The following MACROD2 variants were observed in gnomAD, a reference collection of about 807,000 sequenced individuals.
MACROD2 encodes the protein ADP-ribose glycohydrolase MACROD2.
In MACROD2, 36 loss-of-function variants were observed where a neutral mutation model predicts 70.4. That is an observed-to-expected ratio of 0.51 (90% CI 0.39 to 0.68). The LOEUF is 0.68. Among genes scored for constraint, MACROD2 ranks in the 30% least tolerant of loss-of-function variants. MACROD2 has a pLI of 0.00. For missense variants in MACROD2, 496 were observed against 538.4 expected, an observed-to-expected ratio of 0.92 and a Z score of 0.78; for synonymous variants, 172 against 178.8, an observed-to-expected ratio of 0.96 and a Z score of 0.30.
At chr20:14,634,084 G>A (rs775278768) in intron 4 of MACROD2, among the ~76,000 whole-genome samples, 6 of 152,252 alleles carry the variant, frequency 3.9e-5, no homozygotes, top group Middle Eastern at 6.8e-3. Flanking sequence ...CCCCCTGGGC[G>A]TGCCATTTCC....
At chr20:16,026,899 G>C (rs1242326648) in intron 15 of MACROD2, among the ~76,000 whole-genome samples, 2 of 152,118 alleles carry the variant, frequency 1.3e-5, no homozygotes, top group Non-Finnish European at 2.9e-5. Flanking sequence ...GAGTTTAGTA[G>C]CACTTTTGGT....
At chr20:15,421,805 T>C (rs2046232399) in intron 6 of MACROD2, among the ~76,000 whole-genome samples, 1 of 152,162 alleles carries the variant, frequency 6.6e-6, no homozygotes. Flanking sequence ...AGGGAATTGA[T>C]GTTGGGGAGA....
chr20:14,389,155 C>T (rs1331740943), intron 3 of MACROD2, among the ~76,000 whole-genome samples: 1 of 152,004 alleles, frequency 6.6e-6, no homozygotes, highest in African/African-American at 2.4e-5. Context: ...GCTGGGATTA[C>T]AGGCGTGAGC....
At chr20:14,804,942 G>A (rs1027286473) in intron 5 of MACROD2, among the ~76,000 whole-genome samples, 5 of 151,736 alleles carry the variant, frequency 3.3e-5, no homozygotes, top group Admixed American at 3.3e-4. Context: ...ATGATGGGTA[G>A]TGAGGTAAAT....
chr20:15,862,129 C>T (rs1282497361), intron 8 of MACROD2, among the ~76,000 whole-genome samples: 1 of 152,158 alleles, frequency 6.6e-6, no homozygotes, highest in Non-Finnish European at 1.5e-5. Flanking sequence ...TTTGAGGTGG[C>T]ATTTACTTAT....
chr20:14,060,436 C>T (rs2053679022), intron 2 of MACROD2, among the ~76,000 whole-genome samples: 1 of 151,952 alleles, frequency 6.6e-6, no homozygotes, highest in African/African-American at 2.4e-5. Context: ...TTTTTTAAGG[C>T]TTCCATTAAG....
At chr20:15,992,370 C>T (rs1488037059) in intron 15 of MACROD2, among the ~76,000 whole-genome samples, 3 of 152,108 alleles carry the variant, frequency 2.0e-5, no homozygotes, top group African/African-American at 4.8e-5. Context: ...AGGTTTATTT[C>T]TTCTAATCTC....
At position 15,497,594 on chromosome 20, in the gene MACROD2, C is replaced by T. The variant is rs543011946; in HGVS notation, c.572-2180C>T. Among the ~76,000 whole-genome samples the T allele has an allele frequency of 5.9e-5, 9 of 152,252 alleles. No homozygotes were observed. In the East Asian group the frequency reaches 1.5e-3, roughly 26 times the overall value. ...CGTGAGCCACCGCACCTGGCCGCCT[C>T]CTTCTCCTTCTTTGCAGCTCACCCG... On this transcript the variant is annotated intron_variant, in intron 7 of 17. Transcript: ENST00000684519.
At position 15,697,955 on chromosome 20, in the gene MACROD2, T is replaced by G. The variant is rs184013542; in HGVS notation, c.646-164790T>G. 7.9e-5 allele frequency among the ~76,000 whole-genome samples: 12 copies of G among 152,306 alleles called. No homozygotes were observed. In the East Asian group the frequency reaches 2.3e-3, roughly 29 times the overall value. On this transcript the variant is annotated intron_variant, in intron 8 of 17. Coordinates refer to ENST00000684519, the MANE Select transcript of MACROD2 (RefSeq NM_001351661.2). ...TTAAGTTTATGTGAGTCCTTATGTGTTAGGTGAGTCTCCTAAAGGCAGCAG... is the reference window on the plus strand; with the variant it reads ...TTAAGTTTATGTGAGTCCTTATGTGGTAGGTGAGTCTCCTAAAGGCAGCAG...
chr20:15,423,542 A>C (rs13039799), intron 6 of MACROD2, among the ~76,000 whole-genome samples: 20,531 of 151,520 alleles, frequency 0.14, 1,560 homozygotes, highest in South Asian at 0.27. Flanking sequence ...TCCAAGGTCA[A>C]GGTGCCAGCA....
At chr20:14,133,260 A>G (rs1163104640) in intron 3 of MACROD2, among the ~76,000 whole-genome samples, 2 of 152,208 alleles carry the variant, frequency 1.3e-5, no homozygotes, top group African/African-American at 4.8e-5. Flanking sequence ...TTAGCTGGAC[A>G]TTTTGCATTT....
intron 6 of MACROD2, among the ~76,000 whole-genome samples, chr20:15,310,614 G>C (rs1046587461): frequency 6.6e-6 from 1 of 152,118 alleles, no homozygotes; most frequent in African/African-American, 2.4e-5. Context: ...AGGAAGTGAG[G>C]ATTGAGAAAA....
chr20:14,704,136 C>T (rs774143255), intron 5 of MACROD2, among the ~76,000 whole-genome samples: 13 of 152,132 alleles, frequency 8.5e-5, no homozygotes, highest in Non-Finnish European at 1.8e-4. Flanking sequence ...CTTATGATTT[C>T]TTCCAGCATT....
intron 8 of MACROD2, among the ~76,000 whole-genome samples, chr20:15,689,723 A>C (rs1378887317): frequency 6.6e-6 from 1 of 152,162 alleles, no homozygotes; most frequent in African/African-American, 2.4e-5. Flanking sequence ...ACAGACCCCA[A>C]GGGTCTCAGG....
chr20:14,740,000 C>T (rs2071714367), intron 5 of MACROD2, among the ~76,000 whole-genome samples: 1 of 151,894 alleles, frequency 6.6e-6, no homozygotes, highest in Admixed American at 6.6e-5. Flanking sequence ...CTTATATGTA[C>T]ATATAGAGAA....
At chr20:14,543,723 AT>A in intron 4 of MACROD2, among the ~76,000 whole-genome samples, 1 of 152,182 alleles carries the variant, frequency 6.6e-6, no homozygotes, top group East Asian at 1.9e-4. Context: ...TAAGTCAAAA[AT>A]TTTAAGATAG....
chr20:14,914,145 G>C (rs2074061815), intron 5 of MACROD2, among the ~76,000 whole-genome samples: 1 of 152,256 alleles, frequency 6.6e-6, no homozygotes, highest in Non-Finnish European at 1.5e-5. Context: ...GAGAACTATT[G>C]TATTTTTTGG....
chr20:14,678,996 A>C (rs1772370474), intron 4 of MACROD2, among the ~76,000 whole-genome samples: 1 of 152,064 alleles, frequency 6.6e-6, no homozygotes, highest in Non-Finnish European at 1.5e-5. Flanking sequence ...CATTTAATTG[A>C]ATCAAAATCA....
chr20:15,352,992 G>C (rs2078245068), intron 6 of MACROD2, among the ~76,000 whole-genome samples: 1 of 151,584 alleles, frequency 6.6e-6, no homozygotes, highest in Non-Finnish European at 1.5e-5. Flanking sequence ...CACAGAATTG[G>C]AAAAAACTAC....
Sources: gnomAD v4.1 joint callset for allele counts (sites outside exome capture counted in the v4.1 genomes callset) on GRCh38, gnomAD v4.1.1 for gene constraint, MANE v1.5 for transcripts, NCBI Gene and HGNC (gene_info 2026-07-23, HGNC 2026-07-21) for gene names.